The following TK2 variants were observed in gnomAD, a reference collection of about 807,000 sequenced individuals.
TK2 encodes thymidine kinase 2.
Under a neutral mutation model 41.9 loss-of-function variants are expected in TK2, and 35 were observed. The observed-to-expected ratio is 0.84, with a 90% confidence interval of 0.64 to 1.11. The LOEUF (loss-of-function observed/expected upper bound fraction) is 1.11. Ranked by LOEUF, TK2 falls within the 50% of genes least tolerant of loss-of-function variation. The pLI is 0.00. For missense variants in TK2, 320 were observed against 351.1 expected (o/e 0.91, Z 0.71); for synonymous variants, 128 against 129.1 (o/e 0.99, Z 0.06).
In TK2 at chr16:66,532,100, G is replaced by A. The variant is rs1287582974; in HGVS notation, c.286-631C>T. On this transcript the variant is annotated intron_variant, in intron 4 of 9. Transcript: ENST00000544898. The stretch of plus-strand genomic sequence containing the variant: ...GGTAACAAACCTGCACATGTACCCC[G>A]CTAAAAGTAAAATAAAAGTTGAAAT... 3.7e-5 allele frequency among the ~76,000 whole-genome samples: 5 copies of A among 136,136 alleles called. No individual in the cohort carries two copies. In the East Asian group the frequency reaches 6.4e-4, roughly 17 times the overall value. 89.3% of individuals were successfully genotyped at this position (136,136 alleles called of 152,430 possible). A position where few individuals can be genotyped will look rare whatever the true frequency, so the allele number is the denominator to read the frequency against.
rs2144323116 is a variant in TK2, at chr16:66,509,282, G to C, written c.*2686C>G. ...TCAGGCCCCAGAGGAAGGAAGCCAG[G>C]AGCCAAGAGGTGGACCCAAAAGAGA... On this transcript the variant is annotated 3_prime_UTR_variant, in exon 10 of 10. Coordinates refer to ENST00000544898, the MANE Select transcript of TK2 (RefSeq NM_004614.5). 1 of 152,492 alleles carries C rather than the reference G, an allele frequency of 6.6e-6. No individual in the cohort carries two copies. Among genetic ancestry groups the C allele is most frequent in the Non-Finnish European group, 1.5e-5 (1 of 68,190 alleles). 9.4% of individuals were successfully genotyped at this position (152,492 alleles called of 1,614,324 possible).
chr16:66,535,336 TC>T (rs947295337), intron 4 of TK2, among the ~76,000 whole-genome samples: 5 of 152,216 alleles, frequency 3.3e-5, no homozygotes, highest in African/African-American at 1.2e-4. Flanking sequence ...TGTGATTCTG[TC>T]CCGTGAAACG....
Position 66,514,553 on chromosome 16 carries a change from G to T in TK2, c.619-742C>A, listed in dbSNP as rs889440825. On this transcript the variant is annotated intron_variant, in intron 8 of 9. Transcript: ENST00000544898. The surrounding 1 kb of genome is among the most constrained non-coding windows in gnomAD (Gnocchi z 4.2). ...GCCCGGCTGCCACCCCGTCTAGGAA[G>T]TGAGGAGTGTCTCTGCCTGGCCGCC... Among the ~76,000 whole-genome samples, 2 of 152,316 alleles carry T rather than the reference G, an allele frequency of 1.3e-5. No individual in the cohort carries two copies. The highest frequency in any genetic ancestry group is 4.8e-5 in the African/African-American group (2 of 41,568).
intron 2 of TK2, among the ~76,000 whole-genome samples, chr16:66,544,011 A>G: frequency 6.6e-6 from 1 of 152,256 alleles, no homozygotes; most frequent in East Asian, 1.9e-4. Flanking sequence ...CTCTTCCTAG[A>G]TATATAAAAA....
At position 66,550,113 on chromosome 16, in the gene TK2, G is replaced by T. The variant is rs147340897; in HGVS notation, c.-52C>A. The T allele has an allele frequency of 6.2e-7, 1 of 1,610,374 alleles. No homozygotes were observed. Among genetic ancestry groups the T allele is most frequent in the South Asian group, 1.1e-5 (1 of 90,504 alleles). Reference sequence around the variant, plus strand: ...GGGGTTCCTTCTTGTGCGAGTCGGCGCGGACGACTGCTAGTCCAGCCGTTG... The same window carrying T: ...GGGGTTCCTTCTTGTGCGAGTCGGCTCGGACGACTGCTAGTCCAGCCGTTG... On this transcript the variant is annotated 5_prime_UTR_variant, in exon 1 of 10. Coordinates refer to ENST00000544898, the MANE Select transcript of TK2 (RefSeq NM_004614.5).
At chr16:66,549,156 G>A in intron 1 of TK2, 147 bp from the exon 2 acceptor site, 6 of 1,518,664 alleles carry the variant, frequency 4.0e-6, no homozygotes, top group Non-Finnish European at 5.3e-6. Context: ...TCCGAGATTG[G>A]AGGCGCGCAC....
rs1294484244 is a variant in TK2, at chr16:66,514,276, T to C, written c.619-465A>G. Among the ~76,000 whole-genome samples, 2 of 152,160 alleles carry C rather than the reference T, an allele frequency of 1.3e-5. No homozygotes were observed. The highest frequency in any genetic ancestry group is 2.9e-5 in the Non-Finnish European group (2 of 68,014). ...CTGGGATTGCAGGCGCGCACCGCCATGCCTGACTGGTTTTCGTATTTTTTG... is the reference window on the plus strand; with the variant it reads ...CTGGGATTGCAGGCGCGCACCGCCACGCCTGACTGGTTTTCGTATTTTTTG... On this transcript the variant is annotated intron_variant, in intron 8 of 9. Coordinates refer to ENST00000544898, the MANE Select transcript of TK2 (RefSeq NM_004614.5). This position sits in a 1 kb window ranked among gnomAD's most constrained non-coding sequence, Gnocchi z 4.2.
chr16:66,546,106 T>C (rs1299226594), intron 2 of TK2, among the ~76,000 whole-genome samples: 1 of 152,172 alleles, frequency 6.6e-6, no homozygotes, highest in East Asian at 1.9e-4. Context: ...GGTATGTGCC[T>C]GTAGTCCCAG....
At chr16:66,531,077 G>A (rs1465038473) in intron 5 of TK2, among the ~76,000 whole-genome samples, 1 of 152,150 alleles carries the variant, frequency 6.6e-6, no homozygotes, top group Non-Finnish European at 1.5e-5. Context: ...CTGGTCCAGG[G>A]ACCACACTTT....
intron 4 of TK2, among the ~76,000 whole-genome samples, chr16:66,532,641 G>A (rs1965152125): frequency 6.6e-6 from 1 of 151,230 alleles, no homozygotes; most frequent in African/African-American, 2.4e-5. Context: ...ATTAATAAAA[G>A]TAAAATACCT....
At chr16:66,512,323 G>C (rs1479715115) in intron 9 of TK2, among the ~76,000 whole-genome samples, 2 of 152,200 alleles carry the variant, frequency 1.3e-5, no homozygotes, top group Admixed American at 1.3e-4. Context: ...AGCACTTTGG[G>C]AGGCTGAGAC....
At chr16:66,524,821 T>C (rs1048995666) in intron 6 of TK2, 8 of 152,262 alleles carry the variant, frequency 5.3e-5, no homozygotes, top group African/African-American at 1.9e-4. Flanking sequence ...GTAAAGCCTG[T>C]CTGGAAAGAG....
chr16:66,527,594 G>T (rs533423680), intron 6 of TK2, among the ~76,000 whole-genome samples: 3 of 152,216 alleles, frequency 2.0e-5, no homozygotes, highest in Non-Finnish European at 4.4e-5. Context: ...TATGGTCCGG[G>T]GGGGTGGGTG....
chr16:66,521,042 A>G (rs1964764969), intron 6 of TK2, among the ~76,000 whole-genome samples: 1 of 152,218 alleles, frequency 6.6e-6, no homozygotes, highest in South Asian at 2.1e-4. Flanking sequence ...CAGTCTCCCA[A>G]GTGTCCAAGG....
rs528838137 is a variant in TK2, at chr16:66,511,697, C to T, written c.*271G>A. 1.9e-6 allele frequency: 1 copy of T among 533,670 alleles called. No individual in the cohort carries two copies. Among genetic ancestry groups the T allele is most frequent in the South Asian group, 2.0e-5 (1 of 50,314 alleles). 33.1% of individuals were successfully genotyped at this position (533,670 alleles called of 1,614,324 possible). A position where few individuals can be genotyped will look rare whatever the true frequency, so the allele number is the denominator to read the frequency against. On this transcript the variant is annotated 3_prime_UTR_variant, in exon 10 of 10. Transcript: ENST00000544898. ...CTCCCTAAGGGCTTCATGAGAGCGA[C>T]TCAGCAGCACAAAGCCATGGGAGAG...
chr16:66,536,455 A>G (rs1965285401), intron 4 of TK2, among the ~76,000 whole-genome samples: 1 of 152,138 alleles, frequency 6.6e-6, no homozygotes, highest in Non-Finnish European at 1.5e-5. Flanking sequence ...GAAGGGACAC[A>G]GCACACTACA....
chr16:66,519,609 G>C (rs750585788), intron 6 of TK2, among the ~76,000 whole-genome samples: 1 of 152,204 alleles, frequency 6.6e-6, no homozygotes, highest in Non-Finnish European at 1.5e-5. Flanking sequence ...CTGTGCCCTG[G>C]GAGGAAATGA....
intron 2 of TK2, chr16:66,548,028 T>G (rs774495411): frequency 8.5e-7 from 1 of 1,172,394 alleles, no homozygotes; most frequent in Middle Eastern, 2.2e-4. Flanking sequence ...AGCCCAGGAG[T>G]TGGAGGCCAG....
At chr16:66,520,320 A>G (rs1289989408) in intron 6 of TK2, among the ~76,000 whole-genome samples, 1 of 152,126 alleles carries the variant, frequency 6.6e-6, no homozygotes, top group African/African-American at 2.4e-5. Context: ...AAAGTAGCCC[A>G]TTCTTTATTC....
Sources: gnomAD v4.1 joint callset for allele counts (sites outside exome capture counted in the v4.1 genomes callset) on GRCh38, gnomAD v4.1.1 for gene constraint, Gnocchi (gnomAD v3.1) non-coding constraint, MANE v1.5 for transcripts, NCBI Gene and HGNC (gene_info 2026-07-23, HGNC 2026-07-21) for gene names.